Variants in CD2AP observed in about 807,000 individuals in gnomAD.
CD2AP encodes the protein CD2 associated protein, also known as CD2-associated protein.
CD2AP carries 46 observed loss-of-function variants against 85.1 expected under a neutral mutation model. That is an observed-to-expected ratio of 0.54 (90% CI 0.43 to 0.69). The LOEUF is 0.69. Among genes scored for constraint, CD2AP ranks in the 30% least tolerant of loss-of-function variants. The probability of loss-of-function intolerance (pLI) is 0.00; values close to 1 mark genes in which losing one functional copy is unlikely to be tolerated. For synonymous variants in CD2AP, 255 were observed against 252.9 expected, an observed-to-expected ratio of 1.01 and a Z score of -0.08; for missense variants, 769 against 729.5, an observed-to-expected ratio of 1.05 and a Z score of -0.62.
At chr6:47,569,093 G>A (rs955941620) in intron 5 of CD2AP, among the ~76,000 whole-genome samples, 1 of 152,138 alleles carries the variant, frequency 6.6e-6, no homozygotes, top group African/African-American at 2.4e-5. Flanking sequence ...AAGAAAGGAG[G>A]TTAGGCAGTG....
intron 1 of CD2AP, among the ~76,000 whole-genome samples, chr6:47,500,437 C>T (rs1025273287): frequency 6.6e-6 from 1 of 152,132 alleles, no homozygotes; most frequent in African/African-American, 2.4e-5. Flanking sequence ...CCCTTTCAGA[C>T]ATTTGTTAAA....
In CD2AP at chr6:47,492,537, C is replaced by A. The variant is rs1177517718; in HGVS notation, c.5-10743C>A. ...CTGTTGTTATTTTTTGTAGAGATAG[C>A]ATCTTGCTATGTTGCCCAGGCTGGC... On this transcript the variant is annotated intron_variant, in intron 1 of 17. Coordinates refer to ENST00000359314, the MANE Select transcript of CD2AP (RefSeq NM_012120.3). Among the ~76,000 whole-genome samples, 3 of 151,754 alleles carry A rather than the reference C, an allele frequency of 2.0e-5. No homozygotes were observed. The East Asian group carries it at 5.8e-4, about 29-fold the overall frequency.
intron 13 of CD2AP, among the ~76,000 whole-genome samples, chr6:47,603,105 T>C (rs1394610139): frequency 2.0e-5 from 3 of 151,996 alleles, no homozygotes; most frequent in African/African-American, 4.8e-5. Flanking sequence ...ACCTGTTGAG[T>C]AGCATATACT....
At chr6:47,563,895 TAAAC>T (rs1004734701) in intron 5 of CD2AP, among the ~76,000 whole-genome samples, 2 of 152,188 alleles carry the variant, frequency 1.3e-5, no homozygotes, top group African/African-American at 4.8e-5. Flanking sequence ...TTTAATGAAT[TAAAC>T]AAAAATATTA....
chr6:47,583,004 C>A lies in CD2AP; in HGVS notation c.1108+939C>A, dbSNP rs564888269. ...TTCACCATGTTAGCCAGGATGGTCTCGATTTGCTGACCTCGTGATCCACCC... is the reference window on the plus strand; with the variant it reads ...TTCACCATGTTAGCCAGGATGGTCTAGATTTGCTGACCTCGTGATCCACCC... On this transcript the variant is annotated intron_variant, in intron 11 of 17. Coordinates refer to ENST00000359314, the MANE Select transcript of CD2AP (RefSeq NM_012120.3). Among the ~76,000 whole-genome samples the A allele has an allele frequency of 2.6e-5, 4 of 152,144 alleles. No homozygotes were observed. In the South Asian group the frequency reaches 8.3e-4, roughly 32 times the overall value.
intron 17 of CD2AP, 71 bp downstream of exon 17, chr6:47,612,607 G>A: frequency 9.9e-7 from 1 of 1,012,872 alleles, no homozygotes; most frequent in Non-Finnish European, 1.6e-6. Flanking sequence ...ACCCAACTGG[G>A]TAATCGGTTC....
intron 2 of CD2AP, among the ~76,000 whole-genome samples, chr6:47,522,449 T>G (rs1382535828): frequency 1.3e-5 from 2 of 152,202 alleles, no homozygotes; most frequent in African/African-American, 2.4e-5. Context: ...TTTATTTTGC[T>G]GCTTTAAAAA....
At chr6:47,490,133 C>T (rs374597923) in intron 1 of CD2AP, among the ~76,000 whole-genome samples, 2 of 152,060 alleles carry the variant, frequency 1.3e-5, no homozygotes, top group South Asian at 2.1e-4. Flanking sequence ...TGCCATCGCA[C>T]CTGGCTAATT....
intron 2 of CD2AP, among the ~76,000 whole-genome samples, chr6:47,526,920 A>G (rs1476981070): frequency 6.6e-6 from 1 of 152,190 alleles, no homozygotes; most frequent in Non-Finnish European, 1.5e-5. Flanking sequence ...TTTTATTAGT[A>G]TGAAAAATAC....
intron 2 of CD2AP, among the ~76,000 whole-genome samples, chr6:47,524,785 T>C (rs1170969161): frequency 6.6e-6 from 1 of 152,168 alleles, no homozygotes; most frequent in Non-Finnish European, 1.5e-5. Context: ...TTGTCCAAAA[T>C]GTGGAGAGCA....
intron 11 of CD2AP, among the ~76,000 whole-genome samples, chr6:47,584,446 G>A (rs1282864764): frequency 7.0e-6 from 1 of 142,820 alleles, no homozygotes; most frequent in Non-Finnish European, 1.5e-5. Flanking sequence ...GCATGTGAAT[G>A]TCTAGTTGAT....
intron 5 of CD2AP, among the ~76,000 whole-genome samples, chr6:47,573,162 T>C (rs1768201647): frequency 6.6e-6 from 1 of 152,174 alleles, no homozygotes; most frequent in African/African-American, 2.4e-5. Context: ...ATAAGAACCC[T>C]TGTTACTGAG....
intron 3 of CD2AP, among the ~76,000 whole-genome samples, chr6:47,540,663 A>C (rs922001287): frequency 6.6e-6 from 1 of 152,152 alleles, no homozygotes; most frequent in Non-Finnish European, 1.5e-5. Flanking sequence ...GTAAAATATA[A>C]CTAGGCTGCT....
intron 8 of CD2AP, among the ~76,000 whole-genome samples, 161 bp from the exon 9 acceptor site, chr6:47,579,224 A>T (rs1227398839): frequency 6.6e-6 from 1 of 151,480 alleles, no homozygotes; most frequent in African/African-American, 2.4e-5. Flanking sequence ...GGTCCCAGCC[A>T]CTTGGGAGGC....
chr6:47,505,683 C>A (rs1421034420), intron 2 of CD2AP, among the ~76,000 whole-genome samples: 2 of 81,064 alleles, frequency 2.5e-5, no homozygotes, highest in African/African-American at 7.9e-5. Context: ...GCTGACCCCC[C>A]CATCTCCCTC....
chr6:47,545,400 A>G (rs1767337756), intron 4 of CD2AP, among the ~76,000 whole-genome samples: 1 of 151,936 alleles, frequency 6.6e-6, no homozygotes, highest in Admixed American at 6.6e-5. Flanking sequence ...CCCGCACCTA[A>G]TGGTCCTTTC....
At chr6:47,609,341 A>C in intron 16 of CD2AP, 37 bp downstream of exon 16, 1 of 1,486,396 alleles carries the variant, frequency 6.7e-7, no homozygotes, top group Non-Finnish European at 9.4e-7. Context: ...AGTACTACTT[A>C]ACCCATGCAT....
intron 3 of CD2AP, among the ~76,000 whole-genome samples, chr6:47,540,538 G>A (rs1441845909): frequency 6.6e-6 from 1 of 152,038 alleles, no homozygotes; most frequent in Non-Finnish European, 1.5e-5. Flanking sequence ...TTTATCTAAT[G>A]TGACTCCTTC....
At chr6:47,530,223 A>G (rs1318211485) in intron 2 of CD2AP, among the ~76,000 whole-genome samples, 5 of 152,218 alleles carry the variant, frequency 3.3e-5, no homozygotes, top group South Asian at 2.1e-4. Flanking sequence ...AGTATAATTT[A>G]TGTACAATAA....
Sources: gnomAD v4.1 joint callset for allele counts (sites outside exome capture counted in the v4.1 genomes callset) on GRCh38, gnomAD v4.1.1 for gene constraint, MANE v1.5 for transcripts, NCBI Gene and HGNC (gene_info 2026-07-23, HGNC 2026-07-21) for gene names.